The following EXOC6 variants were observed in gnomAD, a reference collection of about 807,000 sequenced individuals.
EXOC6 encodes exocyst complex component 6, also known as SEC15-like 1.
EXOC6 carries 60 observed loss-of-function variants against 112.5 expected under a neutral mutation model. The observed-to-expected ratio is 0.53, with a 90% CI of 0.43 to 0.66. The LOEUF is 0.66. Among genes scored for constraint, EXOC6 ranks in the 30% least tolerant of loss-of-function variants. EXOC6 has a pLI of 0.00. For synonymous variants in EXOC6, 295 were observed against 308.0 expected, an observed-to-expected ratio of 0.96 and a Z score of 0.44; for missense variants, 855 against 957.1, an observed-to-expected ratio of 0.89 and a Z score of 1.41.
chr10:92,846,517 C>G (rs1170716288), upstream of EXOC6, among the ~76,000 whole-genome samples: 1 of 152,072 alleles, frequency 6.6e-6, no homozygotes, highest in Non-Finnish European at 1.5e-5. Flanking sequence ...GGAAAATAAC[C>G]TTTTGAAAAT....
chr10:92,893,654 C>A, intron 2 of EXOC6, 134 bp downstream of exon 2: 1 of 657,082 alleles, frequency 1.5e-6, no homozygotes, highest in Non-Finnish European at 2.5e-6. Context: ...TTAGGGAATG[C>A]TCTTTATGCT....
chr10:92,831,329 T>C (rs1263882941), upstream of EXOC6: 5 of 1,288,900 alleles, frequency 3.9e-6, no homozygotes, highest in Non-Finnish European at 5.1e-6. Context: ...GAATGTGCTG[T>C]GTAGGAGGAG....
Position 92,934,159 on chromosome 10 carries a change from G to A in EXOC6, c.988G>A (p.Gly330Ser). 2 of 1,536,846 alleles carry A rather than the reference G, an allele frequency of 1.3e-6. No individual in the cohort carries two copies. The highest frequency in any genetic ancestry group is 1.8e-6 in the Non-Finnish European group (2 of 1,120,854). Reference sequence around the variant, plus strand: ...TCATTTTAAGCATGAAACAGTTGATGGCTATAGAAGATATTTCACTCAAAT... The same window carrying A: ...TCATTTTAAGCATGAAACAGTTGATAGCTATAGAAGATATTTCACTCAAAT... ...PQSNMHETVDGYRRYFTQIVG... is the reference protein window; with the variant it reads ...PQSNMHETVDSYRRYFTQIVG... The change falls in exon 10 of 22, where the codon GGC (glycine) becomes AGC (serine). Residue 330 changes from glycine (G) to serine (S), a missense_variant. Physicochemically the swap from Gly to Ser is moderately conservative, Grantham distance 56. This residue lies in a region of EXOC6 where 450 missense variants were observed against 563.5 expected (regional missense o/e 0.80). Coordinates refer to ENST00000260762, the MANE Select transcript of EXOC6 (RefSeq NM_019053.6).
At chr10:92,875,272 C>G (rs1295644559) in intron 1 of EXOC6, among the ~76,000 whole-genome samples, 1 of 152,188 alleles carries the variant, frequency 6.6e-6, no homozygotes, top group Non-Finnish European at 1.5e-5. Context: ...CCTCCTCCTC[C>G]TTTCTCTACC....
At chr10:92,834,639 A>C, upstream of EXOC6, 1 of 957,922 alleles carries the variant, frequency 1.0e-6, no homozygotes, top group Non-Finnish European at 1.5e-6. Flanking sequence ...AATCCTTCTA[A>C]TAATTATAAG....
At chr10:93,039,842 C>A (rs1845679784) in intron 20 of EXOC6, among the ~76,000 whole-genome samples, 1 of 152,228 alleles carries the variant, frequency 6.6e-6, no homozygotes. Context: ...ACTGCTTCAA[C>A]TGTGTGGCAG....
intron 19 of EXOC6, among the ~76,000 whole-genome samples, chr10:93,010,693 C>G (rs1844196728): frequency 7.5e-6 from 1 of 133,298 alleles, no homozygotes; most frequent in African/African-American, 2.9e-5. Flanking sequence ...AGCAAGACTC[C>G]ATCTCTTAAA....
chr10:93,050,942 C>T (rs1450379155), intron 20 of EXOC6, among the ~76,000 whole-genome samples: 1 of 151,834 alleles, frequency 6.6e-6, no homozygotes, highest in African/African-American at 2.4e-5. Context: ...CTGAGTACGG[C>T]AGTGAACTGT....
upstream of EXOC6, among the ~76,000 whole-genome samples, chr10:92,844,315 G>A (rs1420581614): frequency 6.6e-6 from 1 of 152,230 alleles, no homozygotes; most frequent in South Asian, 2.1e-4. Flanking sequence ...TGTGCCTGAT[G>A]TAGGAGCAGT....
chr10:92,993,810 G>A (rs943630294), intron 18 of EXOC6, among the ~76,000 whole-genome samples: 4 of 152,126 alleles, frequency 2.6e-5, no homozygotes, highest in African/African-American at 9.7e-5. Flanking sequence ...GTGGTTTATT[G>A]TTCCTGTGAT....
intron 20 of EXOC6, among the ~76,000 whole-genome samples, chr10:93,031,916 T>C (rs1845294665): frequency 6.6e-6 from 1 of 152,182 alleles, no homozygotes; most frequent in Admixed American, 6.5e-5. Context: ...ATGCCATTTC[T>C]TTCACGATAA....
intron 5 of EXOC6, chr10:92,901,448 T>A (rs1350427961): frequency 6.6e-6 from 1 of 151,790 alleles, no homozygotes; most frequent in Non-Finnish European, 1.5e-5. Flanking sequence ...GCTGTGAACT[T>A]ACGCATTTTT....
At chr10:92,900,831 C>T (rs1190723773) in intron 5 of EXOC6, 6 of 152,036 alleles carry the variant, frequency 3.9e-5, no homozygotes, top group African/African-American at 9.7e-5. Flanking sequence ...GGGGCATTAT[C>T]GGTTTTTCAG....
In EXOC6 at chr10:93,058,632, T is replaced by G. The variant is rs1846653441; in HGVS notation, c.*277T>G. The G allele has an allele frequency of 8.0e-6, 2 of 250,534 alleles. No individual in the cohort carries two copies. Among genetic ancestry groups the G allele is most frequent in the African/African-American group, 2.3e-5 (1 of 44,224 alleles). The allele number at this position is 250,534 out of a possible 1,614,324, so 15.5% of individuals were successfully genotyped here. ...AATTGTCACAAATTATACATGAAAT[T>G]GATTACAAATACATTTGAAAAACAT... On this transcript the variant is annotated 3_prime_UTR_variant, in exon 22 of 22. Transcript: ENST00000260762.
intron 7 of EXOC6, among the ~76,000 whole-genome samples, chr10:92,918,905 T>C (rs1478957780): frequency 6.6e-6 from 1 of 152,230 alleles, no homozygotes; most frequent in East Asian, 1.9e-4. Flanking sequence ...GCTATTGTAC[T>C]GAATACAGAC....
intron 18 of EXOC6, among the ~76,000 whole-genome samples, chr10:92,976,028 C>T (rs1217817168): frequency 2.4e-4 from 26 of 106,428 alleles, no homozygotes; most frequent in Admixed American, 1.9e-3. Context: ...GGCCAGCCGC[C>T]GCGTCCGGGA....
At chr10:92,939,693 G>T (rs908217291) in intron 12 of EXOC6, among the ~76,000 whole-genome samples, 2 of 152,014 alleles carry the variant, frequency 1.3e-5, no homozygotes, top group Non-Finnish European at 2.9e-5. Context: ...GATTGCCCTA[G>T]CGAGCTAGAA....
In EXOC6 at chr10:92,887,857, A is replaced by G. The variant is rs550935094; in HGVS notation, c.102-5492A>G. The stretch of plus-strand genomic sequence containing the variant: ...GATTCTGGCACTTGCCTGATTCTTC[A>G]GTACATTCTTTAAATGCAATTTATT... On this transcript the variant is annotated intron_variant, in intron 1 of 21. Coordinates refer to ENST00000260762, the MANE Select transcript of EXOC6 (RefSeq NM_019053.6). Among the ~76,000 whole-genome samples the G allele has an allele frequency of 3.3e-5, 5 of 152,306 alleles. No individual in the cohort carries two copies. The East Asian group carries it at 7.7e-4, about 24-fold the overall frequency.
chr10:93,051,088 C>A (rs1564941276), intron 20 of EXOC6, among the ~76,000 whole-genome samples: 1 of 149,488 alleles, frequency 6.7e-6, no homozygotes, highest in African/African-American at 2.4e-5. Context: ...AGAAAAAAAT[C>A]AAAATAAAGC....
Sources: allele counts gnomAD v4.1 joint callset (sites outside exome capture counted in the v4.1 genomes callset), GRCh38; gene constraint gnomAD v4.1.1; regional missense constraint gnomAD v4.1.1; transcripts MANE v1.5; gene names NCBI Gene and HGNC (gene_info 2026-07-23, HGNC 2026-07-21).